The following CLDN16 variants were observed in gnomAD, a reference collection of about 807,000 sequenced individuals.
CLDN16 encodes the protein claudin-16.
CLDN16 carries 13 observed loss-of-function variants against 24.6 expected under a neutral mutation model. The ratio of observed to expected loss-of-function variants is 0.53; its 90% CI spans 0.34 to 0.84. The LOEUF is 0.84. Ranked by LOEUF, CLDN16 falls within the 40% of genes least tolerant of loss-of-function variation. The pLI is 0.01. For synonymous variants in CLDN16, 116 were observed against 106.7 expected (o/e 1.09, Z -0.54); for missense variants, 298 against 292.7 (o/e 1.02, Z -0.13).
chr3:190,351,238 G>C (rs1366075978), intron 1 of CLDN16, among the ~76,000 whole-genome samples: 1 of 152,002 alleles, frequency 6.6e-6, no homozygotes, highest in Admixed American at 6.6e-5. Flanking sequence ...TTCTGGACAG[G>C]CTGCAGAACC....
chr3:190,402,299 C>CA (rs753331509), intron 1 of CLDN16, 38 bp from the exon 2 acceptor site: 1 of 1,468,154 alleles, frequency 6.8e-7, no homozygotes, highest in East Asian at 2.3e-5. Context: ...ACTGTGCCTG[C>CA]ATGAATTGTT....
At chr3:190,310,290 T>C in the CLDN16 span, 1 of 1,517,296 alleles carries the variant, frequency 6.6e-7, no homozygotes. Flanking sequence ...TTAATCACCA[T>C]GGAACACTGA....
chr3:190,314,661 C>T, the CLDN16 span, among the ~76,000 whole-genome samples: 1 of 152,040 alleles, frequency 6.6e-6, no homozygotes, highest in African/African-American at 2.4e-5. Flanking sequence ...ACCTCGGCCT[C>T]CCAAAGTTCT....
At chr3:190,311,347 A>T in the CLDN16 span, among the ~76,000 whole-genome samples, 2 of 152,194 alleles carry the variant, frequency 1.3e-5, no homozygotes, top group African/African-American at 4.8e-5. Flanking sequence ...AGAGTAAATT[A>T]TTGGGAATAA....
chr3:190,392,630 C>T (rs1466270230), intron 1 of CLDN16, among the ~76,000 whole-genome samples: 3 of 152,114 alleles, frequency 2.0e-5, no homozygotes, highest in African/African-American at 7.2e-5. Flanking sequence ...CCAGTGAAAG[C>T]TACCCAAAAG....
chr3:190,391,310 T>C (rs1399454133), intron 1 of CLDN16, among the ~76,000 whole-genome samples: 1 of 151,318 alleles, frequency 6.6e-6, no homozygotes, highest in African/African-American at 2.4e-5. Context: ...AATTATATCA[T>C]ATAAAAGGAA....
intron 1 of CLDN16, among the ~76,000 whole-genome samples, chr3:190,338,580 TC>T (rs1488467972): frequency 6.6e-6 from 1 of 152,120 alleles, no homozygotes; most frequent in Non-Finnish European, 1.5e-5. Flanking sequence ...GTCTGAGACA[TC>T]CCACCAGACA....
the CLDN16 span, among the ~76,000 whole-genome samples, chr3:190,317,161 AC>A: frequency 1.0e-3 from 153 of 152,290 alleles, 1 homozygote; most frequent in African/African-American, 3.5e-3. Context: ...ATTAGAACAA[AC>A]CTAGGAACAA....
chr3:190,350,918 G>A (rs1021491929), intron 1 of CLDN16, among the ~76,000 whole-genome samples: 1 of 152,102 alleles, frequency 6.6e-6, no homozygotes, highest in African/African-American at 2.4e-5. Flanking sequence ...TTGCATTGTG[G>A]TCTGTGATAT....
intron 2 of CLDN16, among the ~76,000 whole-genome samples, chr3:190,402,951 T>C (rs1577429744): frequency 6.6e-6 from 1 of 152,058 alleles, no homozygotes; most frequent in Non-Finnish European, 1.5e-5. Context: ...TGGGGATCAG[T>C]GGAAGAAAAA....
At chr3:190,308,391 G>C in the CLDN16 span, 1 of 1,613,792 alleles carries the variant, frequency 6.2e-7, no homozygotes, top group East Asian at 2.2e-5. Context: ...CCAGAAGGCA[G>C]AGAGAAGCAG....
At chr3:190,335,079 T>C (rs1308982539) in intron 1 of CLDN16, among the ~76,000 whole-genome samples, 2 of 151,500 alleles carry the variant, frequency 1.3e-5, no homozygotes, top group East Asian at 3.9e-4. Flanking sequence ...AGTTTTGCTC[T>C]GTTGCCCTGG....
upstream of CLDN16, among the ~76,000 whole-genome samples, chr3:190,320,433 A>G (rs544377042): frequency 6.6e-6 from 1 of 152,318 alleles, no homozygotes; most frequent in East Asian, 1.9e-4. Flanking sequence ...AATTATTACC[A>G]AATTTTTCAT....
At chr3:190,290,481 T>A in the CLDN16 span, among the ~76,000 whole-genome samples, 1 of 152,202 alleles carries the variant, frequency 6.6e-6, no homozygotes, top group Non-Finnish European at 1.5e-5. Flanking sequence ...CTTTCAGTCC[T>A]AGGTGGAAGA....
chr3:190,402,579 A>T (rs1359349473), intron 2 of CLDN16, 140 bp downstream of exon 2: 1 of 708,854 alleles, frequency 1.4e-6, no homozygotes, highest in African/African-American at 1.7e-5. Context: ...AATTGAGCTC[A>T]TCTCGGAAAT....
chr3:190,342,643 A>G (rs907685396), intron 1 of CLDN16, among the ~76,000 whole-genome samples: 1 of 152,214 alleles, frequency 6.6e-6, no homozygotes, highest in East Asian at 1.9e-4. Context: ...CAGAAGGGAG[A>G]GTCCCAAAAT....
intron 3 of CLDN16, among the ~76,000 whole-genome samples, chr3:190,375,920 G>A (rs1009485960): frequency 4.6e-5 from 7 of 151,716 alleles, no homozygotes; most frequent in African/African-American, 7.3e-5. Context: ...GGCTTCAAAC[G>A]TATGTCTCTG....
chr3:190,387,786 T>G, upstream of CLDN16: 4 of 342,980 alleles, frequency 1.2e-5, no homozygotes, highest in Admixed American at 1.7e-4. Flanking sequence ...TTTAGCATAG[T>G]TTCACCAGTG....
At chr3:190,380,682 G>T (rs1353729025) in intron 3 of CLDN16, among the ~76,000 whole-genome samples, 1 of 151,936 alleles carries the variant, frequency 6.6e-6, no homozygotes, top group African/African-American at 2.4e-5. Context: ...TCTAACAAAG[G>T]TTGAGAATTG....
Sources: gnomAD v4.1 joint callset for allele counts (sites outside exome capture counted in the v4.1 genomes callset) on GRCh38, gnomAD v4.1.1 for gene constraint, MANE v1.5 for transcripts, NCBI Gene and HGNC (gene_info 2026-07-23, HGNC 2026-07-21) for gene names.